MYLK: variants seen among roughly 807,000 people sequenced by gnomAD.
MYLK encodes myosin light chain kinase.
Under a neutral mutation model 203.4 loss-of-function variants are expected in MYLK, and 106 were observed. That is an observed-to-expected ratio of 0.52 (90% CI 0.45 to 0.61). MYLK has a LOEUF of 0.61. Ranked by LOEUF, MYLK falls within the 20% of genes least tolerant of loss-of-function variation. The pLI is 0.00. For missense variants in MYLK, 2,072 were observed against 2,442.3 expected (o/e 0.85, Z 3.20); for synonymous variants, 867 against 959.5 (o/e 0.90, Z 1.78).
chr3:123,733,508 G>T (rs531605104), intron 10 of MYLK, among the ~76,000 whole-genome samples, 179 bp downstream of exon 10: 2 of 152,278 alleles, frequency 1.3e-5, no homozygotes, highest in East Asian at 3.9e-4. Context: ...CAGAATAAAG[G>T]GCATTTCTAC....
chr3:123,724,139 C>CTTAT (rs2062193359), intron 12 of MYLK, among the ~76,000 whole-genome samples: 2 of 80,850 alleles, frequency 2.5e-5, no homozygotes, highest in African/African-American at 1.1e-4. Context: ...CTAAGTTTTG[C>CTTAT]TTTTTTTTTT....
At chr3:123,742,977 G>A (rs893333303) in intron 5 of MYLK, among the ~76,000 whole-genome samples, 5 of 152,098 alleles carry the variant, frequency 3.3e-5, no homozygotes, top group Non-Finnish European at 5.9e-5. Flanking sequence ...AGGAGGGGAT[G>A]GGGAATTAAT....
At chr3:123,851,153 T>C (rs1419911705) in intron 2 of MYLK, among the ~76,000 whole-genome samples, 1 of 152,214 alleles carries the variant, frequency 6.6e-6, no homozygotes, top group Admixed American at 6.5e-5. Context: ...TGTCGCCTTG[T>C]AGTACAGTTT....
intron 4 of MYLK, among the ~76,000 whole-genome samples, chr3:123,772,853 A>G (rs2063932102): frequency 6.6e-6 from 1 of 152,020 alleles, no homozygotes. Context: ...AGTGCTTATG[A>G]GTGTGAGAAA....
intron 4 of MYLK, among the ~76,000 whole-genome samples, chr3:123,761,895 C>T (rs982689281): frequency 3.9e-5 from 6 of 151,970 alleles, no homozygotes; most frequent in African/African-American, 1.5e-4. Context: ...GGCATGGTGG[C>T]GGGCACCTGT....
chr3:123,813,033 G>T (rs1488038685), intron 3 of MYLK, among the ~76,000 whole-genome samples: 1 of 152,120 alleles, frequency 6.6e-6, no homozygotes, highest in Non-Finnish European at 1.5e-5. Flanking sequence ...CCCAAAAAAC[G>T]TGCCTTGACA....
rs74556635 is a variant in MYLK at position 123,854,948 on chromosome 3, C to G, written c.-127+21611G>C. On this transcript the variant is annotated intron_variant, in intron 2 of 33. Transcript: ENST00000360304. ...ACCTCTCTTGTTGCTGATGAAATAC[C>G]TGTCAGTCTGTCATTTATTTATACA... Among the ~76,000 whole-genome samples the G allele has an allele frequency of 6.6e-3, 1,000 of 152,206 alleles. 9 individuals carry two copies. Among genetic ancestry groups the G allele is most frequent in the African/African-American group, 0.02 (846 of 41,532 alleles).
chr3:123,629,374 G>T lies in MYLK; in HGVS notation c.5114+100C>A. On this transcript the variant is annotated intron_variant, in intron 30 of 33. Transcript: ENST00000360304. This position sits in a 1 kb window ranked among gnomAD's most constrained non-coding sequence, Gnocchi z 4.4. Reference sequence around the variant, plus strand: ...GAATGCTAGGAACGACCCAAGGCGGGGTGGCAAGGAGGGCACCCCAACAGG... The same window carrying T: ...GAATGCTAGGAACGACCCAAGGCGGTGTGGCAAGGAGGGCACCCCAACAGG... The T allele has an allele frequency of 6.9e-7, 1 of 1,442,924 alleles. No individual in the cohort carries two copies. The highest frequency in any genetic ancestry group is 2.3e-5 in the East Asian group (1 of 43,320). The allele number at this position is 1,442,924 out of a possible 1,614,324, so 89.4% of individuals were successfully genotyped here.
chr3:123,783,001 C>T (rs762895757), intron 4 of MYLK, among the ~76,000 whole-genome samples: 1 of 152,152 alleles, frequency 6.6e-6, no homozygotes, highest in African/African-American at 2.4e-5. Flanking sequence ...GTTATTCACA[C>T]GCATTTTCAT....
chr3:123,876,188 T>C (rs2033139718), intron 2 of MYLK, among the ~76,000 whole-genome samples: 1 of 152,010 alleles, frequency 6.6e-6, no homozygotes, highest in African/African-American at 2.4e-5. Flanking sequence ...TGGGGTATTT[T>C]TTTTTTAAAA....
At chr3:123,699,479 C>T (rs1374216227) in intron 18 of MYLK, among the ~76,000 whole-genome samples, 1 of 152,210 alleles carries the variant, frequency 6.6e-6, no homozygotes. Context: ...TCCCTTCAAA[C>T]CCACAGTGCT....
At chr3:123,638,227 G>C (rs1013900420) in intron 28 of MYLK, 33 bp from the exon 29 acceptor site, 1 of 1,612,902 alleles carries the variant, frequency 6.2e-7, no homozygotes, top group Admixed American at 1.7e-5. Flanking sequence ...TAAATTGCCA[G>C]CACATCACGG....
intron 18 of MYLK, among the ~76,000 whole-genome samples, chr3:123,695,920 C>T (rs1214377594): frequency 2.6e-5 from 4 of 152,218 alleles, no homozygotes; most frequent in Admixed American, 6.5e-5. Context: ...AGGCAGGTCC[C>T]GGAAGGGCTA....
intron 5 of MYLK, among the ~76,000 whole-genome samples, chr3:123,744,356 T>C (rs1051691313): frequency 1.3e-5 from 2 of 152,152 alleles, no homozygotes; most frequent in African/African-American, 4.8e-5. Flanking sequence ...AAGTGAATGA[T>C]GAAAAATCAT....
intron 29 of MYLK, among the ~76,000 whole-genome samples, chr3:123,632,829 C>T (rs552105487): frequency 2.3e-5 from 3 of 130,848 alleles, no homozygotes; most frequent in South Asian, 4.7e-4. Context: ...TTTTGAGATG[C>T]GGTCTTGTTC....
intron 8 of MYLK, 141 bp downstream of exon 8, chr3:123,737,237 A>T: frequency 1.0e-6 from 1 of 964,980 alleles, no homozygotes; most frequent in African/African-American, 1.7e-5. Flanking sequence ...AAAAAAAAAA[A>T]GACCTGCCCC....
intron 3 of MYLK, among the ~76,000 whole-genome samples, chr3:123,823,831 AC>A (rs2066019806): frequency 6.6e-6 from 1 of 152,112 alleles, no homozygotes; most frequent in Non-Finnish European, 1.5e-5. Flanking sequence ...TCCCACTCTT[AC>A]ACTCACTGGC....
intron 4 of MYLK, among the ~76,000 whole-genome samples, chr3:123,764,464 G>A (rs1196620806): frequency 6.6e-6 from 1 of 152,244 alleles, no homozygotes; most frequent in Non-Finnish European, 1.5e-5. Flanking sequence ...CTTTGGTGGT[G>A]TGGGGTGGAG....
intron 9 of MYLK, chr3:123,734,666 G>C (rs2062612662): frequency 6.3e-6 from 1 of 158,240 alleles, no homozygotes; most frequent in South Asian, 1.9e-4. Flanking sequence ...CCCCACAAGA[G>C]GGCCCACAGG....
Sources: gnomAD v4.1 joint callset for allele counts (sites outside exome capture counted in the v4.1 genomes callset) on GRCh38, gnomAD v4.1.1 for gene constraint, Gnocchi (gnomAD v3.1) non-coding constraint, MANE v1.5 for transcripts, NCBI Gene and HGNC (gene_info 2026-07-23, HGNC 2026-07-21) for gene names.